The following BTBD1 variants were observed in gnomAD, a reference collection of about 807,000 sequenced individuals.
BTBD1 encodes BTB domain containing 1, also known as BTB/POZ domain-containing protein 1.
In BTBD1, 34 loss-of-function variants were observed where a neutral mutation model predicts 48.0. The ratio of observed to expected loss-of-function variants is 0.71; its 90% CI spans 0.54 to 0.94. The LOEUF is 0.94. Ranked by LOEUF, BTBD1 falls within the 40% of genes least tolerant of loss-of-function variation. BTBD1 has a pLI of 0.00. For synonymous variants in BTBD1, 261 were observed against 242.1 expected, an observed-to-expected ratio of 1.08 and a Z score of -0.72; for missense variants, 543 against 625.6, an observed-to-expected ratio of 0.87 and a Z score of 1.41.
intron 4 of BTBD1, among the ~76,000 whole-genome samples, chr15:83,041,206 G>C (rs900353475): frequency 1.3e-5 from 2 of 150,720 alleles, no homozygotes; most frequent in Non-Finnish European, 3.0e-5. Flanking sequence ...TCATAACCTG[G>C]GGTAAGGCAC....
At chr15:83,032,706 A>G (rs1187110619) in intron 4 of BTBD1, among the ~76,000 whole-genome samples, 1 of 152,176 alleles carries the variant, frequency 6.6e-6, no homozygotes, top group Non-Finnish European at 1.5e-5. Flanking sequence ...TAAGAATGAT[A>G]TAATGAACTT....
In BTBD1 at chr15:83,017,364, C is replaced by T. The variant is rs1471668634; in HGVS notation, c.*703G>A. 1 of 152,604 alleles carries T rather than the reference C, an allele frequency of 6.6e-6. No homozygotes were observed. The highest frequency in any genetic ancestry group is 1.5e-5 in the Non-Finnish European group (1 of 68,032). The allele number at this position is 152,604 out of a possible 1,614,324, so 9.5% of individuals were successfully genotyped here. On this transcript the variant is annotated 3_prime_UTR_variant, in exon 8 of 8. Coordinates refer to ENST00000261721, the MANE Select transcript of BTBD1 (RefSeq NM_025238.4). Reference sequence around the variant, plus strand: ...TGGTGCAGTTTAGTGACAGGGAATCCAGTCTTAGATCCTGTTTATATCACA... The same window carrying T: ...TGGTGCAGTTTAGTGACAGGGAATCTAGTCTTAGATCCTGTTTATATCACA...
At chr15:83,055,574 C>G (rs954442678) in intron 2 of BTBD1, among the ~76,000 whole-genome samples, 2 of 152,124 alleles carry the variant, frequency 1.3e-5, no homozygotes, top group African/African-American at 4.8e-5. Flanking sequence ...ATGTAGTTTT[C>G]TATATGGATC....
Position 83,067,127 on chromosome 15 carries a change from C to T in BTBD1, c.25G>A (p.Ala9Thr). 6.9e-7 allele frequency: 1 copy of T among 1,447,326 alleles called. No individual in the cohort carries two copies. The highest frequency in any genetic ancestry group is 1.5e-5 in the South Asian group (1 of 67,456). The allele number at this position is 1,447,326 out of a possible 1,614,324, so 89.7% of individuals were successfully genotyped here. A position where few individuals can be genotyped will look rare whatever the true frequency, so the allele number is the denominator to read the frequency against. The change falls in exon 1 of 8, where the codon GCT becomes ACT. Residue 9 changes from alanine (A) to threonine (T), a missense_variant. Transcript: ENST00000261721. MASLGPAA[A>T]GEQASGAEAE... ...TCAGCCCCCGACGCCTGCTCCCCAG[C>T]TGCGGCAGGCCCGAGTGAGGCCATC...
At chr15:83,062,292 T>C (rs772501578) in intron 1 of BTBD1, among the ~76,000 whole-genome samples, 1 of 152,074 alleles carries the variant, frequency 6.6e-6, no homozygotes, top group Non-Finnish European at 1.5e-5. Context: ...AACGCAGTAG[T>C]TTGGTTGAAG....
intron 4 of BTBD1, among the ~76,000 whole-genome samples, chr15:83,033,807 G>A (rs973175664): frequency 1.4e-4 from 21 of 151,852 alleles, no homozygotes; most frequent in African/African-American, 4.3e-4. Context: ...TCTTGAACTC[G>A]ACTCAAACAA....
intron 3 of BTBD1, among the ~76,000 whole-genome samples, chr15:83,042,726 C>T (rs768981655): frequency 6.6e-5 from 10 of 152,152 alleles, no homozygotes; most frequent in Non-Finnish European, 1.2e-4. Context: ...AATTCCTGCC[C>T]TCATGGAGCT....
chr15:83,031,718 G>A (rs1040561341), intron 4 of BTBD1, among the ~76,000 whole-genome samples: 13 of 151,896 alleles, frequency 8.6e-5, no homozygotes, highest in Admixed American at 2.0e-4. Flanking sequence ...CATGGCACAC[G>A]TATACGTATG....
rs150699820 is a variant in BTBD1 at position 83,041,759 on chromosome 15, G to C, written c.831C>G (p.Phe277Leu). ...VLGKALSLIR[F>L]PLMTIEEFAA... is the part of the protein sequence containing the mutation. The stretch of plus-strand genomic sequence containing the variant: ...CAAATTCCTCAATTGTCATCAGTGG[G>C]AACCGGATTAAGGAAAGTGCTTTTC... Residue 277 changes from phenylalanine (F) to leucine (L), a missense_variant, in exon 4 of 8, where the codon TTC (phenylalanine) becomes TTG (leucine). Physicochemically the swap from Phe to Leu is conservative, Grantham distance 22. Coordinates refer to ENST00000261721, the MANE Select transcript of BTBD1 (RefSeq NM_025238.4). 6.2e-7 allele frequency: 1 copy of C among 1,614,032 alleles called. No individual in the cohort carries two copies. The highest frequency in any genetic ancestry group is 1.3e-5 in the African/African-American group (1 of 74,908).
Position 83,032,071 on chromosome 15 carries a change from C to G in BTBD1, c.863-1743G>C, listed in dbSNP as rs191935762. On this transcript the variant is annotated intron_variant, in intron 4 of 7. Transcript: ENST00000261721. The stretch of plus-strand genomic sequence containing the variant: ...GGGGTGGTGGCTCATGCCTGTAATC[C>G]CAGCACTTTGGGAGGCCGAGGCAGG... 7.6e-4 allele frequency among the ~76,000 whole-genome samples: 116 copies of G among 152,142 alleles called. 1 individual carries two copies. Among genetic ancestry groups the G allele is most frequent in the African/African-American group, 2.5e-3 (102 of 41,500 alleles).
chr15:83,051,877 T>TATACACACAC lies in BTBD1; in HGVS notation c.559-1700_559-1699insGTGTGTGTAT, dbSNP rs1555441191. Among the ~76,000 whole-genome samples the TATACACACAC allele has an allele frequency of 1.4e-3, 197 of 138,902 alleles. 1 individual carries two copies. The highest frequency in any genetic ancestry group is 1.2e-3 in the Non-Finnish European group (80 of 65,538). The allele number at this position is 138,902 out of a possible 152,430, so 91.1% of individuals were successfully genotyped here. A position where few individuals can be genotyped will look rare whatever the true frequency, so the allele number is the denominator to read the frequency against. Reference sequence around the variant, plus strand: ...TTTATTAATTTTTTTTCCATATATATACACACACACACACACACACACACA... The same window carrying TATACACACAC: ...TTTATTAATTTTTTTTCCATATATATATACACACACACACACACACACACACACACACACA... On this transcript the variant is annotated intron_variant, in intron 2 of 7. Transcript: ENST00000261721.
intron 1 of BTBD1, among the ~76,000 whole-genome samples, chr15:83,059,394 A>C (rs2151314266): frequency 6.6e-6 from 1 of 152,226 alleles, no homozygotes; most frequent in Non-Finnish European, 1.5e-5. Context: ...AAAAACACAA[A>C]AATTAGCCGG....
chr15:83,051,881 C>CACACACACACACAT (rs1463098515), intron 2 of BTBD1, among the ~76,000 whole-genome samples: 26 of 150,880 alleles, frequency 1.7e-4, no homozygotes. Flanking sequence ...TATATATACA[C>CACACACACACACAT]ACACACACAC....
intron 6 of BTBD1, 71 bp from the exon 7 acceptor site, chr15:83,018,924 G>T: frequency 8.2e-7 from 1 of 1,220,290 alleles, no homozygotes; most frequent in Non-Finnish European, 1.1e-6. Flanking sequence ...ATAATATAAA[G>T]CCCTTAGCAA....
intron 1 of BTBD1, among the ~76,000 whole-genome samples, chr15:83,060,140 G>A (rs2033153336): frequency 6.6e-6 from 1 of 152,104 alleles, no homozygotes; most frequent in East Asian, 1.9e-4. Flanking sequence ...AGACAATTCA[G>A]CACAGGTTTC....
At chr15:83,020,397 A>T (rs1315901359) in intron 6 of BTBD1, 5 of 279,246 alleles carry the variant, frequency 1.8e-5, no homozygotes, top group Admixed American at 1.5e-4. Context: ...AGGCAGGAGG[A>T]TGTTTTAAGA....
rs973060239 is a variant in BTBD1, at chr15:83,016,430, T to A, written c.*1637A>T. 12 of 150,276 alleles carry A rather than the reference T, an allele frequency of 8.0e-5. No homozygotes were observed. Among genetic ancestry groups the A allele is most frequent in the African/African-American group, 2.4e-4 (10 of 41,130 alleles). 9.3% of individuals were successfully genotyped at this position (150,276 alleles called of 1,614,324 possible). On this transcript the variant is annotated 3_prime_UTR_variant, in exon 8 of 8. Coordinates refer to ENST00000261721, the MANE Select transcript of BTBD1 (RefSeq NM_025238.4). The stretch of plus-strand genomic sequence containing the variant: ...GCAAATGACATAAAAGAGTTTTTTT[T>A]ATATATATATATATTTATTTATTTT...
chr15:83,062,639 A>G (rs76198115), intron 1 of BTBD1, among the ~76,000 whole-genome samples: 1,644 of 152,326 alleles, frequency 0.011, 27 homozygotes, highest in African/African-American at 0.038. Context: ...ATTTTCATTA[A>G]TAACATGTCC....
At chr15:83,044,578 A>C in intron 3 of BTBD1, 1 of 1,597,154 alleles carries the variant, frequency 6.3e-7, no homozygotes, top group Non-Finnish European at 8.6e-7. Flanking sequence ...CTGGGAGAGA[A>C]GTTTGAAGAA....
Sources: gnomAD v4.1 joint callset for allele counts (sites outside exome capture counted in the v4.1 genomes callset) on GRCh38, gnomAD v4.1.1 for gene constraint, MANE v1.5 for transcripts, NCBI Gene and HGNC (gene_info 2026-07-23, HGNC 2026-07-21) for gene names.